Variants in TTC34 observed in about 807,000 individuals in gnomAD.
TTC34 encodes tetratricopeptide repeat domain 34.
A neutral mutation model predicts 40.7 loss-of-function variants in TTC34; 44 were observed. The ratio of observed to expected loss-of-function variants is 1.08; its 90% CI spans 0.85 to 1.39. The LOEUF (loss-of-function observed/expected upper bound fraction) is 1.39, where lower values mean the gene tolerates loss of function less well. Ranked by LOEUF, TTC34 falls within the 40% of genes most tolerant of loss-of-function variation. The probability of loss-of-function intolerance (pLI) is 0.00; values close to 1 mark genes in which losing one functional copy is unlikely to be tolerated. For synonymous variants in TTC34, 422 were observed against 398.6 expected (o/e 1.06, Z -0.70); for missense variants, 884 against 838.0 (o/e 1.05, Z -0.68).
At chr1:2,653,407 C>G (rs1343661015) in intron 6 of TTC34, among the ~76,000 whole-genome samples, 1 of 142,238 alleles carries the variant, frequency 7.0e-6, no homozygotes, top group Admixed American at 7.2e-5. Context: ...AGCACCCACA[C>G]CCCCAGGTGA....
intron 6 of TTC34, among the ~76,000 whole-genome samples, chr1:2,695,082 G>A (rs1330207943): frequency 6.8e-6 from 1 of 146,826 alleles, no homozygotes; most frequent in African/African-American, 2.5e-5. Flanking sequence ...ACCCCCAGGC[G>A]AGCATCTGAC....
At chr1:2,688,005 ACCCCC>A (rs1640444188) in intron 6 of TTC34, among the ~76,000 whole-genome samples, 2 of 97,838 alleles carry the variant, frequency 2.0e-5, no homozygotes, top group African/African-American at 4.2e-5. Context: ...CAGGACCCAC[ACCCCC>A]AGGCGAGCAT....
At chr1:2,695,046 ATCTGACACACTGAAACAGCACACACACC>A (rs1640797489) in intron 6 of TTC34, among the ~76,000 whole-genome samples, 1 of 91,886 alleles carries the variant, frequency 1.1e-5, no homozygotes, top group African/African-American at 3.0e-5. Flanking sequence ...CCAGGTGAGC[ATCTGACACACTGAAACAGCACACACACC>A]CCCAGGCGAG....
intron 6 of TTC34, among the ~76,000 whole-genome samples, chr1:2,751,008 G>C (rs1489709702): frequency 0.087 from 1,608 of 18,468 alleles, 37 homozygotes; most frequent in Middle Eastern, 0.18. Flanking sequence ...CACCCACACC[G>C]ACAGGTGAGC....
In TTC34 at chr1:2,751,088, C is replaced by G. The variant is rs1355342531; in HGVS notation, c.2226+32521G>C. Among the ~76,000 whole-genome samples, 3 of 115,484 alleles carry G rather than the reference C, an allele frequency of 2.6e-5. 1 individual carries two copies. Among genetic ancestry groups the G allele is most frequent in the South Asian group, 6.1e-4 (2 of 3,284 alleles). The allele number at this position is 115,484 out of a possible 152,430, so 75.8% of individuals were successfully genotyped here. A position where few individuals can be genotyped will look rare whatever the true frequency, so the allele number is the denominator to read the frequency against. On this transcript the variant is annotated intron_variant, in intron 6 of 8. Transcript: ENST00000401095. Reference sequence around the variant, plus strand: ...GACAGACTGGAACACCTCCCACATGCCCAGCTGAGCCTCTGACAGCCTGGA... The same window carrying G: ...GACAGACTGGAACACCTCCCACATGGCCAGCTGAGCCTCTGACAGCCTGGA...
At chr1:2,652,359 C>G (rs796299258) in intron 6 of TTC34, among the ~76,000 whole-genome samples, 1 of 9,314 alleles carries the variant, frequency 1.1e-4, no homozygotes, top group Non-Finnish European at 3.1e-4. Flanking sequence ...TGGAACAGCA[C>G]GCACACCCCC....
chr1:2,683,743 A>G (rs1570805418), intron 6 of TTC34, among the ~76,000 whole-genome samples: 3 of 149,474 alleles, frequency 2.0e-5, no homozygotes, highest in East Asian at 2.0e-4. Flanking sequence ...ATCCTGGAAC[A>G]GCACCCACAC....
chr1:2,798,978 T>C (rs534016175), intron 2 of TTC34, among the ~76,000 whole-genome samples: 10 of 56,390 alleles, frequency 1.8e-4, no homozygotes, highest in South Asian at 7.3e-4. Context: ...TCCCAGCCTC[T>C]CAGCCTCCAA....
At chr1:2,794,869 A>C (rs1487510024) in intron 2 of TTC34, among the ~76,000 whole-genome samples, 1 of 152,200 alleles carries the variant, frequency 6.6e-6, no homozygotes, top group Non-Finnish European at 1.5e-5. Context: ...TATTCCATTA[A>C]TTATTAATGT....
intron 6 of TTC34, among the ~76,000 whole-genome samples, chr1:2,688,823 C>T (rs372079755): frequency 1.3e-5 from 1 of 79,078 alleles, no homozygotes; most frequent in Admixed American, 1.4e-4. Flanking sequence ...CCCAGGTGAG[C>T]ATCTGACAGC....
At chr1:2,750,679 C>CTCAAACA (rs1641288343) in intron 6 of TTC34, among the ~76,000 whole-genome samples, 2 of 141,028 alleles carry the variant, frequency 1.4e-5, no homozygotes, top group Non-Finnish European at 1.6e-5. Flanking sequence ...TGGAACAGCA[C>CTCAAACA]CCTGCACCCC....
At chr1:2,790,110 C>G in exon 3 of TTC34, 1 of 398,232 alleles carries the variant, frequency 2.5e-6, no homozygotes. Flanking sequence ...TCGCGGAGCT[C>G]AGGGTGGTTC....
chr1:2,676,962 C>G (rs986993116), intron 6 of TTC34, among the ~76,000 whole-genome samples: 18 of 146,198 alleles, frequency 1.2e-4, no homozygotes, highest in East Asian at 2.0e-4. Flanking sequence ...GGAACAGCAC[C>G]CTGCACCCCC....
At chr1:2,755,664 C>T (rs1399573420) in intron 6 of TTC34, among the ~76,000 whole-genome samples, 1 of 120,538 alleles carries the variant, frequency 8.3e-6, no homozygotes, top group Non-Finnish European at 1.7e-5. Context: ...CACCCACAAC[C>T]ACAGGTGAGC....
intron 2 of TTC34, among the ~76,000 whole-genome samples, chr1:2,794,812 A>G (rs2100634154): frequency 6.6e-6 from 1 of 152,334 alleles, no homozygotes; most frequent in East Asian, 1.9e-4. Flanking sequence ...AATGTGAAAT[A>G]TTATAAAACA....
chr1:2,697,629 TG>T (rs1640927917), intron 6 of TTC34, among the ~76,000 whole-genome samples: 1 of 37,978 alleles, frequency 2.6e-5, no homozygotes, highest in Non-Finnish European at 6.3e-5. Flanking sequence ...TCCGACAGCC[TG>T]GAGCAGCACC....
intron 6 of TTC34, among the ~76,000 whole-genome samples, chr1:2,750,367 CG>C (rs1641275885): frequency 9.4e-6 from 1 of 106,496 alleles, no homozygotes; most frequent in Non-Finnish European, 1.8e-5. Flanking sequence ...CCCTGCACCC[CG>C]AGGTGAGCAT....
intron 6 of TTC34, among the ~76,000 whole-genome samples, chr1:2,654,913 G>C (rs1394394047): frequency 1.4e-3 from 139 of 100,264 alleles, no homozygotes; most frequent in Admixed American, 1.6e-3. Flanking sequence ...GCATCTGACA[G>C]CCTGAAGCAG....
At chr1:2,654,015 G>A (rs1470758963) in intron 6 of TTC34, among the ~76,000 whole-genome samples, 14 of 147,972 alleles carry the variant, frequency 9.5e-5, no homozygotes, top group East Asian at 4.0e-4. Context: ...CACACCCCCA[G>A]GCGAGCATCT....
Sources: gnomAD v4.1 joint callset for allele counts (sites outside exome capture counted in the v4.1 genomes callset) on GRCh38, gnomAD v4.1.1 for gene constraint, MANE v1.5 for transcripts, NCBI Gene and HGNC (gene_info 2026-07-23, HGNC 2026-07-21) for gene names.